SFSWAP: variants seen among roughly 807,000 people sequenced by gnomAD.
SFSWAP encodes the protein splicing factor, suppressor of white-apricot homolog.
In SFSWAP, 17 loss-of-function variants were observed where a neutral mutation model predicts 100.7. The observed-to-expected ratio is 0.17, with a 90% confidence interval of 0.12 to 0.25. SFSWAP has a LOEUF of 0.25. Ranked by LOEUF, SFSWAP falls within the 10% of genes least tolerant of loss-of-function variation. The pLI, the probability that SFSWAP is intolerant of heterozygous loss-of-function variation, is 1.00. For synonymous variants in SFSWAP, 504 were observed against 510.1 expected, an observed-to-expected ratio of 0.99 and a Z score of 0.16; for missense variants, 1,005 against 1,262.6, an observed-to-expected ratio of 0.80 and a Z score of 3.09.
chr12:131,741,601 G>T (rs874592), intron 7 of SFSWAP, among the ~76,000 whole-genome samples: 24,513 of 149,926 alleles, frequency 0.16, 2,314 homozygotes, highest in South Asian at 0.28. Context: ...AGCAATGGTT[G>T]TGCCACTGTA....
At chr12:131,774,749 AC>A (rs34151157) in intron 13 of SFSWAP, among the ~76,000 whole-genome samples, 26,659 of 152,110 alleles carry the variant, frequency 0.18, 3,062 homozygotes, top group Non-Finnish European at 0.25. Context: ...TCTAGTTTTC[AC>A]CTTCATGGTG....
chr12:131,794,738 T>A lies in SFSWAP; in HGVS notation c.2535-2440T>A, dbSNP rs1341783989. The stretch of plus-strand genomic sequence containing the variant: ...CGCCCCTGCGTGGATAAGGCCCAGG[T>A]GTCAGGGTGTGCGCACTTGCCAAGC... On this transcript the variant is annotated intron_variant, in intron 15 of 17. Coordinates refer to ENST00000261674, the MANE Select transcript of SFSWAP (RefSeq NM_004592.4). The surrounding 1 kb of genome is among the most constrained non-coding windows in gnomAD (Gnocchi z 4.8). Among the ~76,000 whole-genome samples, 1 of 152,106 alleles carries A rather than the reference T, an allele frequency of 6.6e-6. No individual in the cohort carries two copies. Among genetic ancestry groups the A allele is most frequent in the East Asian group, 1.9e-4 (1 of 5,188 alleles).
Position 131,755,368 on chromosome 12 carries a change from C to T in SFSWAP, c.1455-18C>T. ...CTTGTCTTGGTAAATGACCCATTTT[C>T]TTTCTTTTTCTGCTCAGATTTGAGT... On this transcript the variant is annotated intron_variant, in intron 9 of 17. Coordinates refer to ENST00000261674, the MANE Select transcript of SFSWAP (RefSeq NM_004592.4). The T allele has an allele frequency of 6.3e-7, 1 of 1,596,232 alleles. No individual in the cohort carries two copies.
chr12:131,780,955 T>C (rs1047115713), intron 14 of SFSWAP, among the ~76,000 whole-genome samples: 1 of 152,170 alleles, frequency 6.6e-6, no homozygotes, highest in African/African-American at 2.4e-5. Context: ...ATGTCTGATA[T>C]TTCCGGGTAT....
intron 3 of SFSWAP, among the ~76,000 whole-genome samples, chr12:131,716,134 G>A (rs944211506): frequency 8.5e-5 from 13 of 152,194 alleles, no homozygotes; most frequent in Non-Finnish European, 1.3e-4. Flanking sequence ...CGATCCTAAC[G>A]GAATGATAGG....
At chr12:131,779,264 T>TGTGTGAAGAGGGCGGCGCGGGTGAGG (rs1566051646) in intron 14 of SFSWAP, among the ~76,000 whole-genome samples, 18 of 83,318 alleles carry the variant, frequency 2.2e-4, no homozygotes, top group East Asian at 1.2e-3. Flanking sequence ...CGCGGGTGAG[T>TGTGTGAAGAGGGCGGCGCGGGTGAGG]GTGTGTGAAG....
intron 9 of SFSWAP, 128 bp downstream of exon 9, chr12:131,754,627 CTTTTT>C (rs869226840): frequency 5.3e-4 from 43 of 80,716 alleles, no homozygotes; most frequent in South Asian, 3.1e-3. Flanking sequence ...GCTCAAATGT[CTTTTT>C]TTTTTTTTTT....
chr12:131,777,812 C>T (rs904564724), intron 13 of SFSWAP, among the ~76,000 whole-genome samples: 4 of 152,116 alleles, frequency 2.6e-5, no homozygotes, highest in African/African-American at 4.8e-5. Context: ...TTGTTGGCTC[C>T]GGCTGTCCAC....
At chr12:131,790,845 G>T (rs558546198) in intron 15 of SFSWAP, among the ~76,000 whole-genome samples, 1 of 152,134 alleles carries the variant, frequency 6.6e-6, no homozygotes, top group Non-Finnish European at 1.5e-5. Flanking sequence ...TTTGCTAAGC[G>T]AAGGATGCAT....
intron 4 of SFSWAP, among the ~76,000 whole-genome samples, chr12:131,719,992 A>G (rs955029464): frequency 2.3e-4 from 35 of 152,306 alleles, no homozygotes; most frequent in Middle Eastern, 3.4e-3. Context: ...GTGTTGTGAT[A>G]GGTCCCTGTG....
At chr12:131,762,052 G>A (rs1882718479) in intron 11 of SFSWAP, among the ~76,000 whole-genome samples, 1 of 152,148 alleles carries the variant, frequency 6.6e-6, no homozygotes, top group African/African-American at 2.4e-5. Context: ...GGCCAACATG[G>A]TGAAACCCAT....
chr12:131,771,435 A>T (rs1303581042), intron 13 of SFSWAP, among the ~76,000 whole-genome samples: 1 of 152,048 alleles, frequency 6.6e-6, no homozygotes, highest in Non-Finnish European at 1.5e-5. Context: ...CCACGGGGGA[A>T]ATCCTCACCA....
At chr12:131,726,808 G>A (rs960577375) in intron 5 of SFSWAP, 132 bp from the exon 6 acceptor site, 2 of 632,418 alleles carry the variant, frequency 3.2e-6, no homozygotes, top group Admixed American at 3.0e-5. Flanking sequence ...GGTGACTCTA[G>A]GGAGAAATTT....
intron 7 of SFSWAP, among the ~76,000 whole-genome samples, chr12:131,744,017 G>A (rs1880896812): frequency 1.3e-5 from 2 of 152,222 alleles, no homozygotes; most frequent in South Asian, 4.1e-4. Context: ...GGGACACAGG[G>A]TACCAAGTCC....
At chr12:131,752,583 C>T (rs1388977897) in intron 7 of SFSWAP, among the ~76,000 whole-genome samples, 3 of 152,190 alleles carry the variant, frequency 2.0e-5, no homozygotes, top group African/African-American at 7.2e-5. Context: ...TTGCTGGGGC[C>T]GGGGGCTGAC....
Position 131,725,755 on chromosome 12 carries a change from C to A in SFSWAP, c.832+125C>A. The A allele has an allele frequency of 2.8e-6, 2 of 706,758 alleles. No individual in the cohort carries two copies. The highest frequency in any genetic ancestry group is 4.6e-5 in the Admixed American group (2 of 43,348). The allele number at this position is 706,758 out of a possible 1,614,324, so 43.8% of individuals were successfully genotyped here. ...CAGATGCATGGTTGAAAGCCAGACTCGAATTTCTAGAATGTGTCTGAAATC... is the reference window on the plus strand; with the variant it reads ...CAGATGCATGGTTGAAAGCCAGACTAGAATTTCTAGAATGTGTCTGAAATC... On this transcript the variant is annotated intron_variant, in intron 5 of 17. Coordinates refer to ENST00000261674, the MANE Select transcript of SFSWAP (RefSeq NM_004592.4). The surrounding 1 kb of genome is among the most constrained non-coding windows in gnomAD (Gnocchi z 4.3).
intron 4 of SFSWAP, among the ~76,000 whole-genome samples, chr12:131,724,982 G>A (rs947269845): frequency 2.0e-5 from 3 of 152,164 alleles, no homozygotes; most frequent in Admixed American, 6.5e-5. Context: ...CCTAGTCCCC[G>A]CTAAGAAGAA....
At chr12:131,792,310 G>A (rs533819464) in intron 15 of SFSWAP, among the ~76,000 whole-genome samples, 76 of 151,376 alleles carry the variant, frequency 5.0e-4, no homozygotes, top group Non-Finnish European at 1.0e-3. Flanking sequence ...GTGCACCCGT[G>A]TGTGTTCACA....
At chr12:131,787,201 C>T (rs568250322) in intron 15 of SFSWAP, among the ~76,000 whole-genome samples, 1 of 152,342 alleles carries the variant, frequency 6.6e-6, no homozygotes, top group African/African-American at 2.4e-5. Flanking sequence ...GGGCCTCTGA[C>T]AGCCCAGGGT....
Sources: allele counts gnomAD v4.1 joint callset (sites outside exome capture counted in the v4.1 genomes callset), GRCh38; gene constraint gnomAD v4.1.1; non-coding constraint Gnocchi (gnomAD v3.1); transcripts MANE v1.5; gene names NCBI Gene and HGNC (gene_info 2026-07-23, HGNC 2026-07-21).